Variants in WDR97 observed in about 807,000 individuals in gnomAD.
WDR97 encodes the protein WD repeat domain 97, also known as WD repeat-containing protein 97.
In WDR97, 111 loss-of-function variants were observed where a neutral mutation model predicts 65.4. The observed-to-expected ratio is 1.70, with a 90% confidence interval of 1.45 to 1.99. The LOEUF (loss-of-function observed/expected upper bound fraction) is 1.99, where lower values mean the gene tolerates loss of function less well. Ranked by LOEUF, WDR97 falls within the 30% of genes most tolerant of loss-of-function variation. The pLI is 0.00. For missense variants in WDR97, 1,674 were observed against 865.0 expected (o/e 1.94, Z -11.73); for synonymous variants, 802 against 397.7 (o/e 2.02, Z -12.10).
At chr8:144,109,238 C>A in intron 4 of WDR97, 68 bp downstream of exon 4, 1 of 700,800 alleles carries the variant, frequency 1.4e-6, no homozygotes, top group South Asian at 1.5e-5. Flanking sequence ...TGTCCAGCAT[C>A]TCCGCAGCTC....
rs1006985272 is a variant in WDR97 at position 144,115,677 on chromosome 8, G to C, written c.4414G>C (p.Asp1472His). 5 of 699,178 alleles carry C rather than the reference G, an allele frequency of 7.2e-6. No individual in the cohort carries two copies. The highest frequency in any genetic ancestry group is 1.3e-5 in the Non-Finnish European group (5 of 383,258). The allele number at this position is 699,178 out of a possible 1,614,324, so 43.3% of individuals were successfully genotyped here. A position where few individuals can be genotyped will look rare whatever the true frequency, so the allele number is the denominator to read the frequency against. Residue 1472 changes from aspartate to histidine, a missense_variant, in exon 22 of 24, where the codon GAC becomes CAC. By Grantham distance (81) the Asp-to-His change is moderately conservative. Transcript: ENST00000323662. ...AGAGCCGCCGCCGCTGGAGGAGACC[G>C]ACTGGTCGCACTCGCAGCTGCTGGA... ...PGEPPPLEET[D>H]WSHSQLLDLG...
At position 144,108,335 on chromosome 8, in the gene WDR97, G is replaced by C. The variant is rs758429623; in HGVS notation, c.269G>C (p.Arg90Pro). The part of the protein sequence containing the change: ...VVEKEKRAEL[R>P]AARLTHGLEP... ...CCACAGGAGAAGAGAGCCGAGCTGC[G>C]CGCGGCGCGCCTGACGCATGGGCTG... Residue 90 changes from arginine (R) to proline (P), a missense_variant, in exon 3 of 24, where the codon CGC (arginine) becomes CCC (proline). Transcript: ENST00000323662. 2.9e-6 allele frequency: 2 copies of C among 693,706 alleles called. No individual in the cohort carries two copies. The highest frequency in any genetic ancestry group is 2.1e-5 in the Admixed American group (1 of 46,622). 43.0% of individuals were successfully genotyped at this position (693,706 alleles called of 1,614,324 possible).
Position 144,115,943 on chromosome 8 carries a change from G to A in WDR97, c.4596G>A (p.Trp1532Ter). The change falls in exon 23 of 24, where the codon TGG (tryptophan) becomes TGA (stop). Residue 1532 changes from tryptophan to a stop codon, truncating the protein, a stop_gained and splice_region_variant. Transcript: ENST00000323662. LOFTEE classifies it high-confidence loss of function. ...DMVVPPPREH[W>*]YHPILRLQEA... ...GCTGAACCCTCCTCTTTGCCTCCAG[G>A]TACCACCCCATCCTCCGGCTGCAGG... The A allele has an allele frequency of 1.4e-6, 1 of 701,252 alleles. No homozygotes were observed. The highest frequency in any genetic ancestry group is 2.6e-6 in the Non-Finnish European group (1 of 384,416). The allele number at this position is 701,252 out of a possible 1,614,324, so 43.4% of individuals were successfully genotyped here. A position where few individuals can be genotyped will look rare whatever the true frequency, so the allele number is the denominator to read the frequency against.
In WDR97 at chr8:144,108,430, T is replaced by C. The variant is rs1195845310; in HGVS notation, c.364T>C (p.Phe122Leu). The change falls in exon 3 of 24, where the codon TTC (phenylalanine) becomes CTC (leucine). Residue 122 changes from phenylalanine (F) to leucine (L), a missense_variant. By Grantham distance (22) the Phe-to-Leu change is conservative (BLOSUM62 0). Coordinates refer to ENST00000323662, the MANE Select transcript of WDR97 (RefSeq NM_001316309.2). ...GGCGCAGGACCCGGTGGGTGGACGC[T>C]TCGTGGTGCTGGACGGCGCGGGCCG... is the stretch of plus-strand genomic sequence containing the variant. ...SVAQDPVGGR[F>L]VVLDGAGRLH... The C allele has an allele frequency of 1.4e-6, 1 of 699,586 alleles. No homozygotes were observed. The allele number at this position is 699,586 out of a possible 1,614,324, so 43.3% of individuals were successfully genotyped here. A position where few individuals can be genotyped will look rare whatever the true frequency, so the allele number is the denominator to read the frequency against.
rs536912803 is a variant in WDR97, at chr8:144,108,540, C to G, written c.474C>G (p.Gly158=). ...VRLTGLVTVL[G]PLGAVGRFVG... ...TTACGGGGCTGGTGACCGTGCTGGG[C>G]CCGCTGGGTGCCGTGGGCCGTTTTG... Residue 158 remains glycine, a synonymous_variant, in exon 3 of 24, where the codon GGC becomes GGG. Transcript: ENST00000323662. The G allele has an allele frequency of 8.6e-6, 6 of 701,018 alleles. No homozygotes were observed. Among genetic ancestry groups the G allele is most frequent in the African/African-American group, 7.0e-5 (4 of 57,326 alleles). The allele number at this position is 701,018 out of a possible 1,614,324, so 43.4% of individuals were successfully genotyped here.
In WDR97 at chr8:144,112,968, G is replaced by C. The variant is rs372865383; in HGVS notation, c.3105+438G>C. 2.3e-4 allele frequency: 69 copies of C among 294,374 alleles called. 1 individual carries two copies. The South Asian group carries it at 3.7e-3, about 16-fold the overall frequency. The allele number at this position is 294,374 out of a possible 1,614,324, so 18.2% of individuals were successfully genotyped here. On this transcript the variant is annotated intron_variant, in intron 15 of 23. Coordinates refer to ENST00000323662, the MANE Select transcript of WDR97 (RefSeq NM_001316309.2). ...CACCCTCACGTACACCAGGTGCCCA[G>C]GCAGGCCTCAGCCCCTCCCCCAGCA...
rs77412513 is a variant in WDR97 at position 144,113,900 on chromosome 8, G to A, written c.3408+19G>A. 7,521 of 686,092 alleles carry A rather than the reference G, an allele frequency of 0.011. 346 individuals are homozygous for A. In the African/African-American group the frequency reaches 0.11, roughly 10 times the overall value. The allele number at this position is 686,092 out of a possible 1,614,324, so 42.5% of individuals were successfully genotyped here. ...GGATCAGGTAGAGGCTCAGGCAGAGGCCCCAGGCCACCACGGGAGGTGGGC... is the reference window on the plus strand; with the variant it reads ...GGATCAGGTAGAGGCTCAGGCAGAGACCCCAGGCCACCACGGGAGGTGGGC... On this transcript the variant is annotated intron_variant, in intron 17 of 23. Coordinates refer to ENST00000323662, the MANE Select transcript of WDR97 (RefSeq NM_001316309.2).
rs751226593 is a variant in WDR97 at position 144,113,487 on chromosome 8, G to A, written c.3153G>A (p.Ala1051=). 16 of 702,062 alleles carry A rather than the reference G, an allele frequency of 2.3e-5. No homozygotes were observed. Among genetic ancestry groups the A allele is most frequent in the South Asian group, 1.0e-4 (7 of 67,602 alleles). 43.5% of individuals were successfully genotyped at this position (702,062 alleles called of 1,614,324 possible). The change falls in exon 16 of 24, where the codon GCG becomes GCA. Residue 1051 remains alanine (A), a synonymous_variant. Transcript: ENST00000323662. ...ICFPGYVPNS[A]VLQQMWLNAE... ...TCCCCGGCTATGTGCCCAACTCCGC[G>A]GTGCTACAGCAGATGTGGCTAAATG...
At position 144,111,794 on chromosome 8, in the gene WDR97, C is replaced by A. The variant is rs1342196547; in HGVS notation, c.2637+13C>A. The stretch of plus-strand genomic sequence containing the variant: ...CTCTGGCCTGCTGGTAGGTGTAGGG[C>A]CTCCCCCAGCCCAGCCCTGACCCTG... On this transcript the variant is annotated intron_variant, in intron 12 of 23. Coordinates refer to ENST00000323662, the MANE Select transcript of WDR97 (RefSeq NM_001316309.2). The A allele has an allele frequency of 4.4e-6, 3 of 688,136 alleles. No individual in the cohort carries two copies. In the East Asian group the frequency reaches 8.1e-5, roughly 19 times the overall value. 42.6% of individuals were successfully genotyped at this position (688,136 alleles called of 1,614,324 possible).
intron 15 of WDR97, 62 bp downstream of exon 15, chr8:144,112,592 C>G: frequency 1.4e-6 from 1 of 698,758 alleles, no homozygotes; most frequent in Non-Finnish European, 2.6e-6. Context: ...TTGTGCCTGC[C>G]ATCTCCCCTT....
intron 11 of WDR97, 56 bp downstream of exon 11, chr8:144,111,542 C>G: frequency 1.4e-6 from 1 of 694,370 alleles, no homozygotes; most frequent in Non-Finnish European, 2.6e-6. Context: ...AGCCGTCAGC[C>G]CTGGGGCAGG....
At position 144,110,279 on chromosome 8, in the gene WDR97, G is replaced by A. The variant is rs546076298; in HGVS notation, c.1843+23G>A. On this transcript the variant is annotated intron_variant, in intron 6 of 23. Coordinates refer to ENST00000323662, the MANE Select transcript of WDR97 (RefSeq NM_001316309.2). Reference sequence around the variant, plus strand: ...CGGGTCAGTAGCTCCCCTGCCAAAGGCCAGGCCGCCACAGAGCCCCCTCCC... The same window carrying A: ...CGGGTCAGTAGCTCCCCTGCCAAAGACCAGGCCGCCACAGAGCCCCCTCCC... 53 of 702,000 alleles carry A rather than the reference G, an allele frequency of 7.5e-5. 1 individual carries two copies. In the Middle Eastern group the frequency reaches 8.2e-3, roughly 109 times the overall value. 43.5% of individuals were successfully genotyped at this position (702,000 alleles called of 1,614,324 possible).
rs1836647616 is a variant in WDR97 at position 144,115,935 on chromosome 8, GCCT to G, written c.4596-5_4596-3del. The G allele has an allele frequency of 4.3e-6, 3 of 701,066 alleles. No individual in the cohort carries two copies. The highest frequency in any genetic ancestry group is 7.8e-6 in the Non-Finnish European group (3 of 384,372). The allele number at this position is 701,066 out of a possible 1,614,324, so 43.4% of individuals were successfully genotyped here. On this transcript the variant is annotated splice_region_variant and splice_polypyrimidine_tract_variant and intron_variant, in intron 22 of 23. Coordinates refer to ENST00000323662, the MANE Select transcript of WDR97 (RefSeq NM_001316309.2). ...CTGGGCCAGCTGAACCCTCCTCTTTGCCTCCAGGTACCACCCCATCCTCCGGCT... is the reference window on the plus strand; with the variant it reads ...CTGGGCCAGCTGAACCCTCCTCTTTGCCAGGTACCACCCCATCCTCCGGCT...
At chr8:144,113,568 G>A (rs1322773159) in intron 16 of WDR97, 51 bp downstream of exon 16, 4 of 685,110 alleles carry the variant, frequency 5.8e-6, no homozygotes, top group Non-Finnish European at 1.1e-5. Context: ...GAAAGCTCGA[G>A]GCAAGGGGCA....
In WDR97 at chr8:144,107,839, C is replaced by A. The variant is rs578182150; in HGVS notation, c.89C>A (p.Pro30His). 3 of 702,852 alleles carry A rather than the reference C, an allele frequency of 4.3e-6. No homozygotes were observed. Among genetic ancestry groups the A allele is most frequent in the Admixed American group, 4.0e-5 (2 of 50,024 alleles). 43.5% of individuals were successfully genotyped at this position (702,852 alleles called of 1,614,324 possible). Residue 30 changes from proline (P) to histidine (H), a missense_variant, in exon 1 of 24, where the codon CCT becomes CAT. Transcript: ENST00000323662. The part of the protein sequence containing the change: ...YDADGYDVPD[P>H]GLLTEKNELT... ...GCGGATGGCTATGATGTCCCAGACC[C>A]TGGGCTGCTCACCGAAAAGAATGGT...
In WDR97 at chr8:144,108,789, G is replaced by C; in HGVS notation, c.723G>C (p.Pro241=). The C allele has an allele frequency of 1.4e-6, 1 of 702,548 alleles. No individual in the cohort carries two copies. Among genetic ancestry groups the C allele is most frequent in the Non-Finnish European group, 2.6e-6 (1 of 384,804 alleles). 43.5% of individuals were successfully genotyped at this position (702,548 alleles called of 1,614,324 possible). Residue 241 remains proline (P), a synonymous_variant, in exon 3 of 24, where the codon CCG becomes CCC. Coordinates refer to ENST00000323662, the MANE Select transcript of WDR97 (RefSeq NM_001316309.2). ...RLVLRGSALH[P]PPSPTGRLMR... is the part of the protein sequence containing the mutation. ...TGCTGCGAGGGTCAGCACTGCACCC[G>C]CCCCCGAGCCCAACAGGCAGGCTCA... is the stretch of plus-strand genomic sequence containing the variant.
In WDR97 at chr8:144,111,767, G is replaced by C. The variant is rs1347588247; in HGVS notation, c.2623G>C (p.Gly875Arg). The C allele has an allele frequency of 1.5e-6, 1 of 685,702 alleles. No individual in the cohort carries two copies. The highest frequency in any genetic ancestry group is 2.7e-6 in the Non-Finnish European group (1 of 374,084). 42.5% of individuals were successfully genotyped at this position (685,702 alleles called of 1,614,324 possible). A position where few individuals can be genotyped will look rare whatever the true frequency, so the allele number is the denominator to read the frequency against. The change falls in exon 12 of 24, where the codon GGC becomes CGC. Residue 875 changes from glycine to arginine, a missense_variant. By Grantham distance (125) the Gly-to-Arg change is moderately radical (BLOSUM62 -2). Coordinates refer to ENST00000323662, the MANE Select transcript of WDR97 (RefSeq NM_001316309.2). The stretch of plus-strand genomic sequence containing the variant: ...TGACAATTACCTCCGTCTGATCTAC[G>C]GCTCTGGCCTGCTGGTAGGTGTAGG... ...GFDNYLRLIY[G>R]SGLLGMQSGR... is the part of the protein sequence containing the mutation.
rs1274513986 is a variant in WDR97 at position 144,108,608 on chromosome 8, T to G, written c.542T>G (p.Leu181Arg). 1.4e-6 allele frequency: 1 copy of G among 700,662 alleles called. No homozygotes were observed. The highest frequency in any genetic ancestry group is 2.7e-5 in the East Asian group (1 of 37,236). The allele number at this position is 700,662 out of a possible 1,614,324, so 43.4% of individuals were successfully genotyped here. Reference sequence around the variant, plus strand: ...GGGCTGGCAATTCTGAGGCCCAACCTCAGCCTGCTGTGGCTGAGCGAGCAG... The same window carrying G: ...GGGCTGGCAATTCTGAGGCCCAACCGCAGCCTGCTGTGGCTGAGCGAGCAG... ...PAGLAILRPNLSLLWLSEQGV... is the reference protein window; with the variant it reads ...PAGLAILRPNRSLLWLSEQGV... The change falls in exon 3 of 24, where the codon CTC becomes CGC. Residue 181 changes from leucine to arginine, a missense_variant. Coordinates refer to ENST00000323662, the MANE Select transcript of WDR97 (RefSeq NM_001316309.2).
Position 144,110,166 on chromosome 8 carries a change from C to T in WDR97, c.1753C>T (p.Leu585Phe). Residue 585 changes from leucine (L) to phenylalanine (F), a missense_variant, in exon 6 of 24, where the codon CTC (leucine) becomes TTC (phenylalanine). Physicochemically the swap from Leu to Phe is conservative, Grantham distance 22 (BLOSUM62 0). Transcript: ENST00000323662. ...CGGCACGCTGTCGGTGCTGGAGTGG[C>T]TCTCGTCGAAGACTGTCTTCCAAAC... ...TDGTLSVLEW[L>F]SSKTVFQTEA... 1 of 702,902 alleles carries T rather than the reference C, an allele frequency of 1.4e-6. No homozygotes were observed. Among genetic ancestry groups the T allele is most frequent in the Non-Finnish European group, 2.6e-6 (1 of 384,958 alleles). The allele number at this position is 702,902 out of a possible 1,614,324, so 43.5% of individuals were successfully genotyped here.
Sources: allele counts gnomAD v4.1 joint callset, GRCh38; gene constraint gnomAD v4.1.1; transcripts MANE v1.5; gene names NCBI Gene and HGNC (gene_info 2026-07-23, HGNC 2026-07-21).